RUNX3: variants seen among roughly 807,000 people sequenced by gnomAD.
RUNX3 encodes RUNX family transcription factor 3, also known as runt-related transcription factor 3.
RUNX3 carries 10 observed loss-of-function variants against 27.7 expected under a neutral mutation model. The ratio of observed to expected loss-of-function variants is 0.36; its 90% CI spans 0.22 to 0.61. RUNX3 has a LOEUF of 0.61. RUNX3 is among the 20% of genes least tolerant of loss of function. The pLI, the probability that RUNX3 is intolerant of heterozygous loss-of-function variation, is 0.72. For synonymous variants in RUNX3, 270 were observed against 269.2 expected (o/e 1.00, Z -0.03); for missense variants, 469 against 629.5 (o/e 0.75, Z 2.73).
At chr1:24,903,964 G>T (rs981923519) in intron 4 of RUNX3, among the ~76,000 whole-genome samples, 6 of 152,146 alleles carry the variant, frequency 3.9e-5, no homozygotes, top group African/African-American at 1.4e-4. Context: ...ACAGAGCAGG[G>T]GTCCATGAGG....
intron 3 of RUNX3, among the ~76,000 whole-genome samples, chr1:24,913,087 G>A (rs1034280953): frequency 1.3e-5 from 2 of 152,218 alleles, no homozygotes; most frequent in East Asian, 1.9e-4. Context: ...TTCCACATCT[G>A]TAAAGTGGTT....
At position 24,923,490 on chromosome 1, in the gene RUNX3, C is replaced by T. The variant is rs1641039363; in HGVS notation, c.439+4084G>A. ...GGAGCCCAGGAAGTGTAAACCCAGG[C>T]TCTCTGAGGGCTGGCCCTGGTTGCA... is the stretch of plus-strand genomic sequence containing the variant. On this transcript the variant is annotated intron_variant, in intron 2 of 4. Coordinates refer to ENST00000308873, the MANE Select transcript of RUNX3 (RefSeq NM_004350.3). This position sits in a 1 kb window ranked among gnomAD's most constrained non-coding sequence, Gnocchi z 5.9. Among the ~76,000 whole-genome samples, 1 of 152,182 alleles carries T rather than the reference C, an allele frequency of 6.6e-6. No individual in the cohort carries two copies. The highest frequency in any genetic ancestry group is 2.1e-4 in the South Asian group (1 of 4,826).
rs747070804 is a variant in RUNX3 at position 24,927,659 on chromosome 1, G to C, written c.354C>G (p.Ser118=). 5.0e-6 allele frequency: 8 copies of C among 1,614,002 alleles called. No homozygotes were observed. The Admixed American group carries it at 1.3e-4, about 27-fold the overall frequency. Residue 118 remains serine (S), a synonymous_variant, in exon 2 of 5, where the codon TCC becomes TCG. Coordinates refer to ENST00000308873, the MANE Select transcript of RUNX3 (RefSeq NM_004350.3). This position sits in a 1 kb window ranked among gnomAD's most constrained non-coding sequence, Gnocchi z 5.0. ...TVMAGNDENY[S]AELRNASAVM... Reference sequence around the variant, plus strand: ...CGGCCGAGGCATTGCGCAGCTCAGCGGAGTAGTTCTCGTCATTGCCTGCCA... The same window carrying C: ...CGGCCGAGGCATTGCGCAGCTCAGCCGAGTAGTTCTCGTCATTGCCTGCCA...
rs997386267 is a variant in RUNX3, at chr1:24,943,673, C to T, written c.59-13821G>A. Reference sequence around the variant, plus strand: ...AAACAGGTCTGGAGAGGGGATGTGACGTGCTGGGGCCCAGGGGAGTCCAAA... The same window carrying T: ...AAACAGGTCTGGAGAGGGGATGTGATGTGCTGGGGCCCAGGGGAGTCCAAA... On this transcript the variant is annotated intron_variant, in intron 2 of 6. Coordinates refer to the RUNX3 transcript ENST00000338888. This position sits in a 1 kb window ranked among gnomAD's most constrained non-coding sequence, Gnocchi z 4.6. Among the ~76,000 whole-genome samples, 12 of 152,292 alleles carry T rather than the reference C, an allele frequency of 7.9e-5. No individual in the cohort carries two copies. Among genetic ancestry groups the T allele is most frequent in the African/African-American group, 2.6e-4 (11 of 41,564 alleles).
intron 2 of RUNX3, among the ~76,000 whole-genome samples, chr1:24,959,250 C>T (rs1025742505): frequency 4.6e-5 from 7 of 152,206 alleles, no homozygotes; most frequent in Non-Finnish European, 7.4e-5. Context: ...AGAGTGGGTG[C>T]GGTGAGGCCT....
intron 2 of RUNX3, among the ~76,000 whole-genome samples, chr1:24,960,147 C>T (rs919155146): frequency 1.3e-5 from 2 of 152,214 alleles, no homozygotes; most frequent in Non-Finnish European, 1.5e-5. Flanking sequence ...TTTCTGTTGA[C>T]CCATCTTTTT....
rs1233160149 is a variant in RUNX3 at position 24,916,808 on chromosome 1, G to A, written c.544+2432C>T. On this transcript the variant is annotated intron_variant, in intron 3 of 4. Transcript: ENST00000308873. The surrounding 1 kb of genome is among the most constrained non-coding windows in gnomAD (Gnocchi z 4.8). Reference sequence around the variant, plus strand: ...GATCCAGCCGCTGCCGGGGCCCAGAGAGGGAGGTCACCTGTCTCAGGTGGT... The same window carrying A: ...GATCCAGCCGCTGCCGGGGCCCAGAAAGGGAGGTCACCTGTCTCAGGTGGT... 2.6e-5 allele frequency among the ~76,000 whole-genome samples: 4 copies of A among 152,196 alleles called. No homozygotes were observed.
rs1640628948 is a variant in RUNX3 at position 24,904,737 on chromosome 1, A to T, written c.704-2071T>A. ...AGGGCGCTGGGCTGGGCCTCCCTGG[A>T]CCTGCCACCATCCCCTCCAGCCTCT... On this transcript the variant is annotated intron_variant, in intron 4 of 4. Transcript: ENST00000308873. The surrounding 1 kb of genome is among the most constrained non-coding windows in gnomAD (Gnocchi z 5.7). Among the ~76,000 whole-genome samples the T allele has an allele frequency of 1.3e-5, 2 of 151,816 alleles. No homozygotes were observed. Among genetic ancestry groups the T allele is most frequent in the Admixed American group, 6.5e-5 (1 of 15,268 alleles).
upstream of RUNX3, among the ~76,000 whole-genome samples, chr1:24,932,327 G>T (rs1454532066): frequency 1.3e-5 from 2 of 151,940 alleles, no homozygotes; most frequent in Non-Finnish European, 2.9e-5. Context: ...CAGGGCGGCG[G>T]GGGGAGGGGG....
chr1:24,908,190 C>T (rs1571304231), intron 3 of RUNX3, among the ~76,000 whole-genome samples: 2 of 147,042 alleles, frequency 1.4e-5, no homozygotes, highest in South Asian at 2.1e-4. Flanking sequence ...CTACGACACG[C>T]GGTGATCCGA....
chr1:24,915,348 T>C (rs1286959005), intron 3 of RUNX3, among the ~76,000 whole-genome samples: 1 of 152,102 alleles, frequency 6.6e-6, no homozygotes, highest in East Asian at 1.9e-4. Flanking sequence ...CTCCTGAACC[T>C]GGGAGGCGGA....
At chr1:24,912,623 G>A (rs1640817533) in intron 3 of RUNX3, among the ~76,000 whole-genome samples, 1 of 151,964 alleles carries the variant, frequency 6.6e-6, no homozygotes, top group Non-Finnish European at 1.5e-5. Context: ...CCACGGCAGC[G>A]TCTAAGCAGC....
At chr1:24,941,388 C>T (rs1641476280) in intron 2 of RUNX3, among the ~76,000 whole-genome samples, 1 of 152,214 alleles carries the variant, frequency 6.6e-6, no homozygotes, top group South Asian at 2.1e-4. Context: ...AGGAGCCAGG[C>T]CCCTTGATTA....
intron 3 of RUNX3, among the ~76,000 whole-genome samples, chr1:24,917,121 G>C (rs1040134187): frequency 1.3e-5 from 2 of 152,158 alleles, no homozygotes; most frequent in East Asian, 1.9e-4. Context: ...AACCTTGCCC[G>C]GTCCCTTGGA....
intron 2 of RUNX3, among the ~76,000 whole-genome samples, chr1:24,964,176 G>A (rs1022177589): frequency 6.6e-6 from 1 of 152,208 alleles, no homozygotes; most frequent in South Asian, 2.1e-4. Context: ...GGGGCTGCAG[G>A]CCCTGGGGCC....
intron 2 of RUNX3, among the ~76,000 whole-genome samples, chr1:24,920,230 C>T (rs1284552792): frequency 3.3e-5 from 5 of 149,328 alleles, no homozygotes; most frequent in African/African-American, 4.9e-5. Flanking sequence ...TTTTTTTTTA[C>T]CATTTAAAAT....
intron 4 of RUNX3, among the ~76,000 whole-genome samples, chr1:24,905,323 A>G (rs572842696): frequency 4.8e-4 from 73 of 152,354 alleles, no homozygotes; most frequent in African/African-American, 1.7e-3. Flanking sequence ...AAGATCATAC[A>G]GCCAATGCCT....
Position 24,943,083 on chromosome 1 carries a change from G to A in RUNX3, c.59-13231C>T, listed in dbSNP as rs755574348. Among the ~76,000 whole-genome samples, 5 of 152,258 alleles carry A rather than the reference G, an allele frequency of 3.3e-5. No individual in the cohort carries two copies. Among genetic ancestry groups the A allele is most frequent in the Non-Finnish European group, 5.9e-5 (4 of 68,038 alleles). ...GAACAAGGTGGCAGCACCGGGAGCC[G>A]AGCCGGGTGTCATTGATCTTGCCCG... is the stretch of plus-strand genomic sequence containing the variant. On this transcript the variant is annotated intron_variant, in intron 2 of 6. Coordinates refer to the RUNX3 transcript ENST00000338888. The surrounding 1 kb of genome is among the most constrained non-coding windows in gnomAD (Gnocchi z 4.6).
In RUNX3 at chr1:24,916,935, C is replaced by T. The variant is rs1640901503; in HGVS notation, c.544+2305G>A. The stretch of plus-strand genomic sequence containing the variant: ...CCACGCATTTACCTTCCAGCTCACC[C>T]CAGAAGGGGCCATCTCAGGTCTGGG... On this transcript the variant is annotated intron_variant, in intron 3 of 4. Transcript: ENST00000308873. This position sits in a 1 kb window ranked among gnomAD's most constrained non-coding sequence, Gnocchi z 4.8. Among the ~76,000 whole-genome samples the T allele has an allele frequency of 6.6e-6, 1 of 152,220 alleles. No homozygotes were observed. The highest frequency in any genetic ancestry group is 2.1e-4 in the South Asian group (1 of 4,832).
Sources: gnomAD v4.1 joint callset for allele counts (sites outside exome capture counted in the v4.1 genomes callset) on GRCh38, gnomAD v4.1.1 for gene constraint, Gnocchi (gnomAD v3.1) non-coding constraint, MANE v1.5 for transcripts, NCBI Gene and HGNC (gene_info 2026-07-23, HGNC 2026-07-21) for gene names.